ZRANB3: variants seen among roughly 807,000 people sequenced by gnomAD.
ZRANB3 encodes the protein DNA annealing helicase and endonuclease ZRANB3.
In ZRANB3, 125 loss-of-function variants were observed where a neutral mutation model predicts 133.8. The ratio of observed to expected loss-of-function variants is 0.93; its 90% CI spans 0.81 to 1.08. ZRANB3 has a LOEUF of 1.08. ZRANB3 is among the 50% of genes least tolerant of loss of function. ZRANB3 has a pLI of 0.00. For missense variants in ZRANB3, 1,229 were observed against 1,275.5 expected (o/e 0.96, Z 0.56); for synonymous variants, 387 against 432.7 (o/e 0.89, Z 1.31).
At chr2:135,514,387 C>A in intron 1 of ZRANB3, among the ~76,000 whole-genome samples, 1 of 152,030 alleles carries the variant, frequency 6.6e-6, no homozygotes, top group East Asian at 1.9e-4. Context: ...CTAGGCATTT[C>A]ATTCTCTTTG....
At chr2:135,510,614 G>A in intron 1 of ZRANB3, 1 of 760,404 alleles carries the variant, frequency 1.3e-6, no homozygotes, top group Non-Finnish European at 2.4e-6. Flanking sequence ...CCATGAGGAG[G>A]GCCTCTCATT....
chr2:135,253,928 T>C (rs1056330115), intron 12 of ZRANB3, among the ~76,000 whole-genome samples: 2 of 152,254 alleles, frequency 1.3e-5, no homozygotes, highest in Non-Finnish European at 1.5e-5. Context: ...AAGACAGATA[T>C]CTGATCATGT....
At chr2:135,388,345 A>T (rs746152852) in intron 3 of ZRANB3, among the ~76,000 whole-genome samples, 1 of 152,198 alleles carries the variant, frequency 6.6e-6, no homozygotes, top group Non-Finnish European at 1.5e-5. Flanking sequence ...GCCAAACCAT[A>T]TCAGAAGGGT....
intron 2 of ZRANB3, among the ~76,000 whole-genome samples, chr2:135,495,801 G>A (rs1282444860): frequency 2.0e-5 from 3 of 152,064 alleles, no homozygotes; most frequent in Admixed American, 6.6e-5. Flanking sequence ...CTTGACTGAG[G>A]TTTTTGAAAA....
At chr2:135,355,340 G>T in intron 3 of ZRANB3, 25 of 633,838 alleles carry the variant, frequency 3.9e-5, no homozygotes, top group African/African-American at 6.0e-5. Context: ...CAATACAGCA[G>T]AACTTTAACA....
chr2:135,384,927 C>G (rs1164889079), intron 3 of ZRANB3, among the ~76,000 whole-genome samples: 1 of 152,158 alleles, frequency 6.6e-6, no homozygotes, highest in African/African-American at 2.4e-5. Flanking sequence ...CCTTTGAAAG[C>G]TGGCACAAGA....
At chr2:135,493,135 ATATATATATATATATATATATATAT>A (rs1692478097) in intron 2 of ZRANB3, among the ~76,000 whole-genome samples, 1 of 48,202 alleles carries the variant, frequency 2.1e-5, no homozygotes, top group Non-Finnish European at 3.4e-5. Context: ...ATATATATAT[ATATATATATATATATATATATATAT>A]ATATATATAT....
At chr2:135,228,084 CAGTT>C (rs1379905622) in intron 13 of ZRANB3, 69 bp from the exon 14 acceptor site, 65 of 1,273,664 alleles carry the variant, frequency 5.1e-5, no homozygotes, top group East Asian at 2.3e-4. Flanking sequence ...AAGAATGTAA[CAGTT>C]AGGTCTTATA....
intron 2 of ZRANB3, among the ~76,000 whole-genome samples, chr2:135,403,295 C>T (rs1017669381): frequency 6.6e-6 from 1 of 152,108 alleles, no homozygotes; most frequent in African/African-American, 2.4e-5. Flanking sequence ...AATGGCACAC[C>T]AGGAGATTAT....
chr2:135,499,647 T>C (rs1325855381), intron 2 of ZRANB3, among the ~76,000 whole-genome samples: 1 of 152,126 alleles, frequency 6.6e-6, no homozygotes, highest in Non-Finnish European at 1.5e-5. Context: ...AAAACCTCAA[T>C]GTACATCACT....
At chr2:135,521,079 C>T (rs1287232495) in intron 1 of ZRANB3, among the ~76,000 whole-genome samples, 3 of 152,082 alleles carry the variant, frequency 2.0e-5, no homozygotes, top group Admixed American at 1.3e-4. Flanking sequence ...ATTATCCTCA[C>T]GTTAAGGACA....
chr2:135,264,062 C>T (rs945838511), intron 12 of ZRANB3, among the ~76,000 whole-genome samples: 5 of 151,274 alleles, frequency 3.3e-5, no homozygotes, highest in African/African-American at 9.7e-5. Flanking sequence ...TGCTGGATTA[C>T]AGGTCTGTGA....
At chr2:135,529,801 C>T (rs1277214379) in intron 1 of ZRANB3, among the ~76,000 whole-genome samples, 1 of 151,818 alleles carries the variant, frequency 6.6e-6, no homozygotes, top group South Asian at 2.1e-4. Flanking sequence ...AGGTCTGAGC[C>T]ACCGCGCCTG....
At chr2:135,347,053 T>C (rs1246148702) in intron 5 of ZRANB3, among the ~76,000 whole-genome samples, 1 of 152,244 alleles carries the variant, frequency 6.6e-6, no homozygotes. Flanking sequence ...TAGCCTTTTG[T>C]ATCTGGTTTA....
At position 135,362,758 on chromosome 2, in the gene ZRANB3, G is replaced by C. The variant is rs1171114736; in HGVS notation, c.181-9130C>G. 3.3e-5 allele frequency among the ~76,000 whole-genome samples: 5 copies of C among 152,116 alleles called. No individual in the cohort carries two copies. The East Asian group carries it at 9.7e-4, about 29-fold the overall frequency. On this transcript the variant is annotated intron_variant, in intron 3 of 20. Coordinates refer to ENST00000264159, the MANE Select transcript of ZRANB3 (RefSeq NM_032143.4). ...CTGGCCTCAGCCTCCAGAGTACCTAGGATTACAGGTGCACACCACTGTGCC... is the reference window on the plus strand; with the variant it reads ...CTGGCCTCAGCCTCCAGAGTACCTACGATTACAGGTGCACACCACTGTGCC...
chr2:135,288,637 G>A (rs1681518715), intron 8 of ZRANB3, among the ~76,000 whole-genome samples: 1 of 152,086 alleles, frequency 6.6e-6, no homozygotes, highest in Non-Finnish European at 1.5e-5. Context: ...ATCTAGGAGT[G>A]TTGTATATTT....
intron 2 of ZRANB3, among the ~76,000 whole-genome samples, chr2:135,394,582 G>A (rs956501752): frequency 6.6e-6 from 1 of 152,130 alleles, no homozygotes; most frequent in African/African-American, 2.4e-5. Context: ...AGGAGGAAAA[G>A]AGGAGATGTT....
intron 6 of ZRANB3, among the ~76,000 whole-genome samples, chr2:135,324,187 C>A (rs910931690): frequency 3.3e-5 from 5 of 151,712 alleles, no homozygotes; most frequent in Non-Finnish European, 5.9e-5. Flanking sequence ...CCCATTAACT[C>A]ATCATTTAAC....
chr2:135,215,017 A>C (rs1228222010), intron 17 of ZRANB3, among the ~76,000 whole-genome samples: 1 of 152,062 alleles, frequency 6.6e-6, no homozygotes, highest in Non-Finnish European at 1.5e-5. Flanking sequence ...TCCTGGGCTC[A>C]GGTGATCCTC....
Sources: gnomAD v4.1 joint callset for allele counts (sites outside exome capture counted in the v4.1 genomes callset) on GRCh38, gnomAD v4.1.1 for gene constraint, MANE v1.5 for transcripts, NCBI Gene and HGNC (gene_info 2026-07-23, HGNC 2026-07-21) for gene names.